Variants in CDK18 observed in about 807,000 individuals in gnomAD.
CDK18 encodes the protein cyclin dependent kinase 18, also known as cyclin-dependent kinase 18.
CDK18 carries 52 observed loss-of-function variants against 62.0 expected under a neutral mutation model. The observed-to-expected ratio is 0.84, with a 90% CI of 0.67 to 1.06. CDK18 has a LOEUF of 1.06. Ranked by LOEUF, CDK18 falls within the 50% of genes least tolerant of loss-of-function variation. The pLI is 0.00. For missense variants in CDK18, 604 were observed against 619.9 expected (o/e 0.97, Z 0.27); for synonymous variants, 237 against 247.0 (o/e 0.96, Z 0.38).
chr1:205,518,456 A>G (rs1667936738), intron 1 of CDK18, among the ~76,000 whole-genome samples: 1 of 152,206 alleles, frequency 6.6e-6, no homozygotes, highest in Non-Finnish European at 1.5e-5. Context: ...TGGTAGCACC[A>G]AAGTTTGAAA....
intron 4 of CDK18, 127 bp downstream of exon 4, chr1:205,524,484 C>G: frequency 9.2e-7 from 1 of 1,083,864 alleles, no homozygotes; most frequent in Non-Finnish European, 1.4e-6. Context: ...GTGCCACCTG[C>G]TGGCTTGAGT....
intron 3 of CDK18, chr1:205,523,856 A>C (rs1304727531): frequency 1.6e-6 from 1 of 637,036 alleles, no homozygotes. Flanking sequence ...TGCTTAGAAC[A>C]TTCCTGAATT....
rs1396604572 is a variant in CDK18, at chr1:205,516,382, G to A, written c.-21-6765G>A. Among the ~76,000 whole-genome samples, 1 of 152,140 alleles carries A rather than the reference G, an allele frequency of 6.6e-6. No homozygotes were observed. The highest frequency in any genetic ancestry group is 6.6e-5 in the Admixed American group (1 of 15,264). Reference sequence around the variant, plus strand: ...GGATCCTGGCTGGTGGTCAGCCTTCGTGACTGAAGGGAAGACCCTCTGGGC... The same window carrying A: ...GGATCCTGGCTGGTGGTCAGCCTTCATGACTGAAGGGAAGACCCTCTGGGC... On this transcript the variant is annotated intron_variant, in intron 1 of 15. Transcript: ENST00000429964. The surrounding 1 kb of genome is among the most constrained non-coding windows in gnomAD (Gnocchi z 4.8).
Position 205,528,240 on chromosome 1 carries a change from C to T in CDK18, c.974+72C>T, listed in dbSNP as rs1668543483. 1.3e-6 allele frequency: 2 copies of T among 1,559,076 alleles called. No homozygotes were observed. Among genetic ancestry groups the T allele is most frequent in the Non-Finnish European group, 1.8e-6 (2 of 1,142,822 alleles). ...ACACCTCCAGACTCTCCTTTGCTTC[C>T]CCAAGGGCCTCGGGGAAGAACTGCC... is the stretch of plus-strand genomic sequence containing the variant. On this transcript the variant is annotated intron_variant, in intron 10 of 15. Transcript: ENST00000429964. The surrounding 1 kb of genome is among the most constrained non-coding windows in gnomAD (Gnocchi z 4.2).
chr1:205,529,786 G>C, intron 13 of CDK18: 1 of 1,484,316 alleles, frequency 6.7e-7, no homozygotes, highest in East Asian at 2.5e-5. Flanking sequence ...GTGTAGCTCT[G>C]GGCAAGTTAC....
At chr1:205,523,409 T>C in intron 2 of CDK18, 74 bp from the exon 3 acceptor site, 2 of 1,587,724 alleles carry the variant, frequency 1.3e-6, no homozygotes, top group Non-Finnish European at 8.6e-7. Flanking sequence ...AGCACAGCGC[T>C]GGGGGAGGGG....
At position 205,525,553 on chromosome 1, in the gene CDK18, C is replaced by T. The variant is rs985213920; in HGVS notation, c.456+358C>T. ...CCTCTCTGTGTGCCTCAGTTTCTTC[C>T]TCTGTCCAATGAGACAGTAATTGTC... is the stretch of plus-strand genomic sequence containing the variant. On this transcript the variant is annotated intron_variant, in intron 5 of 15. Transcript: ENST00000429964. Among the ~76,000 whole-genome samples, 6 of 152,194 alleles carry T rather than the reference C, an allele frequency of 3.9e-5. No individual in the cohort carries two copies. The East Asian group carries it at 7.7e-4, about 20-fold the overall frequency.
chr1:205,504,948 G>A (rs1221244817), intron 1 of CDK18, 152 bp downstream of exon 1: 2 of 152,362 alleles, frequency 1.3e-5, no homozygotes, highest in Non-Finnish European at 2.9e-5. Context: ...GGGAAATACC[G>A]GAGCGGCGAG....
intron 1 of CDK18, among the ~76,000 whole-genome samples, chr1:205,512,396 A>G (rs1476125041): frequency 6.6e-6 from 1 of 152,218 alleles, no homozygotes; most frequent in Non-Finnish European, 1.5e-5. Context: ...AGGGCCCAGG[A>G]CAGTGCCTGG....
chr1:205,509,018 G>A (rs890417335), intron 1 of CDK18, among the ~76,000 whole-genome samples: 6 of 144,298 alleles, frequency 4.2e-5, no homozygotes, highest in African/African-American at 1.0e-4. Flanking sequence ...GCATGGTGGC[G>A]TGTGCCTGTA....
At position 205,524,366 on chromosome 1, in the gene CDK18, C is replaced by G. The variant is rs1198814347; in HGVS notation, c.399+9C>G. ...CCCGCCGGGCCTCCCTGGTGAGTCC[C>G]AAGAGGGTCAGAGGACACAAGGTGG... On this transcript the variant is annotated intron_variant, in intron 4 of 15. Coordinates refer to ENST00000429964, the MANE Select transcript of CDK18 (RefSeq NM_212502.3). 4 of 1,614,050 alleles carry G rather than the reference C, an allele frequency of 2.5e-6. No individual in the cohort carries two copies. Among genetic ancestry groups the G allele is most frequent in the Non-Finnish European group, 2.5e-6 (3 of 1,180,002 alleles).
At position 205,528,322 on chromosome 1, in the gene CDK18, T is replaced by G. The variant is rs1668546935; in HGVS notation, c.974+154T>G. 6.6e-6 allele frequency among the ~76,000 whole-genome samples: 1 copy of G among 152,058 alleles called. No individual in the cohort carries two copies. Among genetic ancestry groups the G allele is most frequent in the Admixed American group, 6.5e-5 (1 of 15,268 alleles). Reference sequence around the variant, plus strand: ...CCTGCTGAAATGGATGTTAAAAAATTAGGTCTGAAATATAATAGGTTAGGG... The same window carrying G: ...CCTGCTGAAATGGATGTTAAAAAATGAGGTCTGAAATATAATAGGTTAGGG... On this transcript the variant is annotated intron_variant, in intron 10 of 15. Coordinates refer to ENST00000429964, the MANE Select transcript of CDK18 (RefSeq NM_212502.3). The surrounding 1 kb of genome is among the most constrained non-coding windows in gnomAD (Gnocchi z 4.2).
chr1:205,513,748 G>A (rs923955680), intron 1 of CDK18, among the ~76,000 whole-genome samples: 1 of 152,206 alleles, frequency 6.6e-6, no homozygotes, highest in Admixed American at 6.5e-5. Context: ...CTTCCCCACA[G>A]CCCTGGAGGC....
chr1:205,520,797 G>A (rs540551478), intron 1 of CDK18, among the ~76,000 whole-genome samples: 1 of 152,246 alleles, frequency 6.6e-6, no homozygotes, highest in East Asian at 1.9e-4. Flanking sequence ...GAGTCACCAG[G>A]TAGGTGTGTC....
chr1:205,519,588 G>A (rs1193343395), intron 1 of CDK18, among the ~76,000 whole-genome samples: 2 of 152,168 alleles, frequency 1.3e-5, no homozygotes, highest in African/African-American at 4.8e-5. Flanking sequence ...TCCTGCGGGT[G>A]GAGAACAGCT....
At chr1:205,530,794 C>T in intron 15 of CDK18, 89 bp downstream of exon 15, 3 of 1,037,066 alleles carry the variant, frequency 2.9e-6, no homozygotes, top group Non-Finnish European at 4.5e-6. Flanking sequence ...CCATGGTCCC[C>T]CCACCACTGG....
intron 5 of CDK18, 29 bp downstream of exon 5, chr1:205,525,224 A>G (rs1407996907): frequency 1.9e-6 from 3 of 1,568,806 alleles, no homozygotes; most frequent in Admixed American, 3.4e-5. Flanking sequence ...TCTTCTCCGA[A>G]TAGCCAGGCA....
intron 15 of CDK18, 48 bp from the exon 16 acceptor site, chr1:205,531,296 G>A (rs757103746): frequency 1.7e-5 from 27 of 1,595,618 alleles, no homozygotes; most frequent in African/African-American, 4.0e-5. Flanking sequence ...TGGGGTACCC[G>A]TCAGCCCAGC....
chr1:205,518,679 G>A (rs371620464), intron 1 of CDK18, among the ~76,000 whole-genome samples: 1 of 152,218 alleles, frequency 6.6e-6, no homozygotes, highest in African/African-American at 2.4e-5. Flanking sequence ...GCAAGGGATG[G>A]GGATGGAGGC....
Sources: allele counts gnomAD v4.1 joint callset (sites outside exome capture counted in the v4.1 genomes callset), GRCh38; gene constraint gnomAD v4.1.1; non-coding constraint Gnocchi (gnomAD v3.1); transcripts MANE v1.5; gene names NCBI Gene and HGNC (gene_info 2026-07-23, HGNC 2026-07-21).